Variants in LRP1B observed in about 807,000 individuals in gnomAD.
The protein encoded by LRP1B is LDL receptor related protein 1B.
Under a neutral mutation model 556.6 loss-of-function variants are expected in LRP1B, and 217 were observed. That is an observed-to-expected ratio of 0.39 (90% confidence interval 0.35 to 0.44). The LOEUF (loss-of-function observed/expected upper bound fraction) is 0.44, where lower values mean the gene tolerates loss of function less well. Among genes scored for constraint, LRP1B ranks in the 20% least tolerant of loss-of-function variants. LRP1B has a pLI of 1.00. For synonymous variants in LRP1B, 2,047 were observed against 1,865.8 expected (o/e 1.10, Z -2.50); for missense variants, 5,053 against 5,620.8 (o/e 0.90, Z 3.23).
chr2:140,481,301 T>C (rs140938589), intron 59 of LRP1B, among the ~76,000 whole-genome samples: 10 of 152,274 alleles, frequency 6.6e-5, no homozygotes, highest in Admixed American at 6.5e-4. Context: ...TCCACAATTA[T>C]TTTGTTACTG....
chr2:141,840,286 C>T (rs527378634), intron 1 of LRP1B, among the ~76,000 whole-genome samples: 2 of 98,706 alleles, frequency 2.0e-5, no homozygotes, highest in South Asian at 3.2e-4. Flanking sequence ...TTTTTTGAGA[C>T]GGAATCTCGC....
At chr2:142,087,588 AATATT>A (rs1705995156) in intron 1 of LRP1B, among the ~76,000 whole-genome samples, 1 of 151,486 alleles carries the variant, frequency 6.6e-6, no homozygotes, top group Non-Finnish European at 1.5e-5. Flanking sequence ...AATGAATATA[AATATT>A]ATATTGAATA....
chr2:140,789,618 CTTTTTTTTTTTTTTTTTT>C lies in LRP1B; in HGVS notation c.5360-13398_5360-13381del, dbSNP rs756120273. ...GCCAAGCACGATCTAGCTTTAAGGA[CTTTTTTTTTTTTTTTTTT>C]TTTTTTTTTTTTGAGACGGAGTCTC... On this transcript the variant is annotated intron_variant, in intron 32 of 90. Transcript: ENST00000389484. Among the ~76,000 whole-genome samples, 10 of 71,766 alleles carry C rather than the reference CTTTTTTTTTTTTTTTTTT, an allele frequency of 1.4e-4. No homozygotes were observed. In the East Asian group the frequency reaches 3.7e-3, roughly 26 times the overall value. The allele number at this position is 71,766 out of a possible 152,430, so 47.1% of individuals were successfully genotyped here.
chr2:140,254,331 C>A (rs1414209528), intron 86 of LRP1B, among the ~76,000 whole-genome samples: 1 of 152,092 alleles, frequency 6.6e-6, no homozygotes, highest in African/African-American at 2.4e-5. Flanking sequence ...TTAATTAGTG[C>A]AAAATGTAAC....
chr2:141,152,760 A>T (rs1198012225), intron 7 of LRP1B, among the ~76,000 whole-genome samples: 1 of 151,724 alleles, frequency 6.6e-6, no homozygotes, highest in African/African-American at 2.4e-5. Flanking sequence ...TTATTATCAC[A>T]TTATCTTTAA....
chr2:140,891,032 C>T (rs911767336), intron 23 of LRP1B, among the ~76,000 whole-genome samples: 5 of 152,090 alleles, frequency 3.3e-5, no homozygotes, highest in Admixed American at 2.0e-4. Flanking sequence ...TCATAAACGA[C>T]TGAATTTAAC....
At position 140,257,217 on chromosome 2, in the gene LRP1B, A is replaced by G. The variant is rs1573694495; in HGVS notation, c.13248-10055T>C. On this transcript the variant is annotated intron_variant, in intron 86 of 90. Coordinates refer to ENST00000389484, the MANE Select transcript of LRP1B (RefSeq NM_018557.3). ...ACTTGTTTAAGCACAGAACATGAGCATAAAATAAACCTTTGTTGTTATAAA... is the reference window on the plus strand; with the variant it reads ...ACTTGTTTAAGCACAGAACATGAGCGTAAAATAAACCTTTGTTGTTATAAA... 3.3e-5 allele frequency among the ~76,000 whole-genome samples: 5 copies of G among 152,340 alleles called. No individual in the cohort carries two copies. In the East Asian group the frequency reaches 9.6e-4, roughly 29 times the overall value.
At position 140,370,770 on chromosome 2, in the gene LRP1B, A is replaced by T. The variant is rs762434264; in HGVS notation, c.10948T>A (p.Trp3650Arg). ...KNKAHCIPIR[W>R]LCDGIHDCVD... ...CAGTCATGAATTCCATCACACAGCC[A>T]TCTAATTGGAATACAGTGGGCTTTA... The change falls in exon 71 of 91, where the codon TGG becomes AGG. Residue 3650 changes from tryptophan (W) to arginine (R), a missense_variant. By Grantham distance (101) the Trp-to-Arg change is moderately radical. Coordinates refer to ENST00000389484, the MANE Select transcript of LRP1B (RefSeq NM_018557.3). 1.2e-6 allele frequency: 2 copies of T among 1,612,886 alleles called. No individual in the cohort carries two copies. The highest frequency in any genetic ancestry group is 2.2e-5 in the East Asian group (1 of 44,804).
At position 141,549,585 on chromosome 2, in the gene LRP1B, C is replaced by A. The variant is rs528765765; in HGVS notation, c.206-69052G>T. 6.6e-4 allele frequency among the ~76,000 whole-genome samples: 100 copies of A among 152,160 alleles called. 1 individual carries two copies. Among genetic ancestry groups the A allele is most frequent in the South Asian group, 2.5e-3 (12 of 4,822 alleles). The stretch of plus-strand genomic sequence containing the variant: ...TTTCTCTTTTTTATATGTTTTTATT[C>A]CCTTGTTTTCTTTAATCTTAAAAAC... On this transcript the variant is annotated intron_variant, in intron 2 of 90. Coordinates refer to ENST00000389484, the MANE Select transcript of LRP1B (RefSeq NM_018557.3).
rs72994944 is a variant in LRP1B, at chr2:141,862,710, A to C, written c.83-52309T>G. On this transcript the variant is annotated intron_variant, in intron 1 of 90. Transcript: ENST00000389484. ...GCATAAGCCACCTTGCCCAGCATGG[A>C]CAGGTGTAAGCACCATGCCCAGCTG... is the stretch of plus-strand genomic sequence containing the variant. Among the ~76,000 whole-genome samples, 1,024 of 152,310 alleles carry C rather than the reference A, an allele frequency of 6.7e-3. 17 individuals carry two copies. Among genetic ancestry groups the C allele is most frequent in the African/African-American group, 0.023 (943 of 41,574 alleles).
intron 3 of LRP1B, among the ~76,000 whole-genome samples, chr2:141,396,261 T>C (rs1392917930): frequency 6.6e-6 from 1 of 152,196 alleles, no homozygotes; most frequent in Non-Finnish European, 1.5e-5. Context: ...ACAATCGATC[T>C]TCAAGTTTAG....
chr2:141,870,533 C>T (rs192106404), intron 1 of LRP1B, among the ~76,000 whole-genome samples: 1 of 151,996 alleles, frequency 6.6e-6, no homozygotes, highest in East Asian at 1.9e-4. Flanking sequence ...TATGCTTTTG[C>T]TCCATCTTTA....
At chr2:141,040,985 T>C (rs926672715) in intron 11 of LRP1B, among the ~76,000 whole-genome samples, 1 of 152,134 alleles carries the variant, frequency 6.6e-6, no homozygotes, top group East Asian at 1.9e-4. Flanking sequence ...CCTTGGATCA[T>C]GTCAAACTTA....
chr2:140,512,792 G>A (rs953055389), intron 51 of LRP1B, among the ~76,000 whole-genome samples: 3 of 152,100 alleles, frequency 2.0e-5, no homozygotes, highest in African/African-American at 7.2e-5. Context: ...ACACTTCTGA[G>A]AACGATCTTT....
At chr2:140,658,112 A>G (rs1005770993) in intron 41 of LRP1B, among the ~76,000 whole-genome samples, 11 of 152,132 alleles carry the variant, frequency 7.2e-5, no homozygotes, top group African/African-American at 9.6e-5. Flanking sequence ...AACCCATACT[A>G]TTTTAAGTAA....
chr2:142,080,513 G>A (rs1468252346), intron 1 of LRP1B, among the ~76,000 whole-genome samples: 2 of 149,522 alleles, frequency 1.3e-5, no homozygotes, highest in Admixed American at 6.6e-5. Context: ...GTAGCACAAG[G>A]GTTGAGTTTG....
intron 11 of LRP1B, among the ~76,000 whole-genome samples, chr2:141,048,077 T>A (rs1010950067): frequency 1.2e-4 from 18 of 152,142 alleles, no homozygotes; most frequent in Admixed American, 7.2e-4. Flanking sequence ...TATGAACCCC[T>A]TGAAGGCAGA....
intron 69 of LRP1B, among the ~76,000 whole-genome samples, chr2:140,372,304 T>C (rs995899441): frequency 6.6e-6 from 1 of 152,086 alleles, no homozygotes; most frequent in Non-Finnish European, 1.5e-5. Flanking sequence ...ATTAACAATA[T>C]AGCCCATGGA....
chr2:141,727,765 A>T (rs1331663940), intron 2 of LRP1B, among the ~76,000 whole-genome samples: 1 of 152,078 alleles, frequency 6.6e-6, no homozygotes, highest in East Asian at 1.9e-4. Context: ...CAACATATAT[A>T]TTTTATATGT....
Sources: allele counts gnomAD v4.1 joint callset (sites outside exome capture counted in the v4.1 genomes callset), GRCh38; gene constraint gnomAD v4.1.1; transcripts MANE v1.5; gene names NCBI Gene and HGNC (gene_info 2026-07-23, HGNC 2026-07-21).